ZDHHC7: variants seen among roughly 807,000 people sequenced by gnomAD.
The protein encoded by ZDHHC7 is zDHHC palmitoyltransferase 7, also known as palmitoyltransferase ZDHHC7.
ZDHHC7 carries 12 observed loss-of-function variants against 34.1 expected under a neutral mutation model. The ratio of observed to expected loss-of-function variants is 0.35; its 90% CI spans 0.23 to 0.57. The LOEUF (loss-of-function observed/expected upper bound fraction) is 0.57, where lower values mean the gene tolerates loss of function less well. Among genes scored for constraint, ZDHHC7 ranks in the 20% least tolerant of loss-of-function variants. The pLI, the probability that ZDHHC7 is intolerant of heterozygous loss-of-function variation, is 0.84. For synonymous variants in ZDHHC7, 185 were observed against 155.4 expected (o/e 1.19, Z -1.42); for missense variants, 388 against 402.7 (o/e 0.96, Z 0.31).
the ZDHHC7 span, among the ~76,000 whole-genome samples, chr16:85,018,446 G>A: frequency 7.3e-6 from 1 of 136,204 alleles, no homozygotes; most frequent in Non-Finnish European, 1.5e-5. Context: ...ACACTTATTT[G>A]TATTCTTTTT....
intron 1 of ZDHHC7, among the ~76,000 whole-genome samples, chr16:85,000,683 A>T (rs2072641604): frequency 6.6e-6 from 1 of 152,192 alleles, no homozygotes. Flanking sequence ...TACAAAACAA[A>T]CTCAACCCCT....
At chr16:84,986,747 A>T (rs929131213) in intron 3 of ZDHHC7, among the ~76,000 whole-genome samples, 35 of 152,192 alleles carry the variant, frequency 2.3e-4, no homozygotes, top group Admixed American at 2.3e-3. Flanking sequence ...GTCCAGGGCA[A>T]TCCCAGCGAG....
chr16:85,025,647 A>T, the ZDHHC7 span, among the ~76,000 whole-genome samples: 1 of 152,042 alleles, frequency 6.6e-6, no homozygotes, highest in African/African-American at 2.4e-5. Context: ...TGACCTCATG[A>T]TCCGCCCGCC....
intron 2 of ZDHHC7, among the ~76,000 whole-genome samples, chr16:84,993,645 C>CA (rs1054387750): frequency 9.2e-5 from 14 of 151,570 alleles, no homozygotes; most frequent in African/African-American, 2.9e-4. Context: ...GACCCAATGT[C>CA]AAAAAAATTG....
intron 3 of ZDHHC7, among the ~76,000 whole-genome samples, chr16:84,982,991 G>A (rs774352408): frequency 2.1e-4 from 32 of 152,334 alleles, no homozygotes; most frequent in Non-Finnish European, 2.1e-4. Flanking sequence ...TTGGGCAGTG[G>A]AGATAAGTCA....
intron 5 of ZDHHC7, among the ~76,000 whole-genome samples, chr16:84,978,562 C>A (rs1032511256): frequency 2.0e-5 from 3 of 151,578 alleles, no homozygotes; most frequent in Non-Finnish European, 4.4e-5. Flanking sequence ...AGCAAAACCC[C>A]GTCTATAAAA....
chr16:84,977,981 G>A lies in ZDHHC7; in HGVS notation c.562C>T (p.His188Tyr). The A allele has an allele frequency of 6.2e-7, 1 of 1,613,932 alleles. No homozygotes were observed. Among genetic ancestry groups the A allele is most frequent in the Non-Finnish European group, 8.5e-7 (1 of 1,179,848 alleles). Residue 188 changes from histidine to tyrosine, a missense_variant, in exon 6 of 8, where the codon CAT becomes TAT. Coordinates refer to ENST00000313732, the MANE Select transcript of ZDHHC7 (RefSeq NM_017740.3). ...FTMYIALSSVHALILCGFQFI... is the reference protein window; with the variant it reads ...FTMYIALSSVYALILCGFQFI... Reference sequence around the variant, plus strand: ...TGAAATCCACAAAGGATCAGAGCATGGACTGAAGACAGAGCTATATACATC... The same window carrying A: ...TGAAATCCACAAAGGATCAGAGCATAGACTGAAGACAGAGCTATATACATC...
chr16:84,989,421 C>A (rs542396469), intron 3 of ZDHHC7, among the ~76,000 whole-genome samples: 1 of 152,294 alleles, frequency 6.6e-6, no homozygotes, highest in African/African-American at 2.4e-5. Context: ...CCTGGTCAGG[C>A]GCGATGGCTC....
At chr16:84,985,282 T>C (rs1330027300) in intron 3 of ZDHHC7, among the ~76,000 whole-genome samples, 1 of 152,262 alleles carries the variant, frequency 6.6e-6, no homozygotes, top group Non-Finnish European at 1.5e-5. Context: ...CAAGGCGCTC[T>C]GTGCCACCTC....
intron 1 of ZDHHC7, among the ~76,000 whole-genome samples, chr16:85,009,586 A>G (rs983193587): frequency 4.1e-4 from 63 of 152,310 alleles, no homozygotes; most frequent in African/African-American, 1.4e-3. Context: ...TCAGAAGCCA[A>G]TGTGGGCCCC....
At chr16:84,991,816 C>G (rs1002145124) in intron 2 of ZDHHC7, among the ~76,000 whole-genome samples, 1 of 151,954 alleles carries the variant, frequency 6.6e-6, no homozygotes, top group African/African-American at 2.4e-5. Context: ...ATTTATTAAT[C>G]CATTCTTTTG....
intron 4 of ZDHHC7, among the ~76,000 whole-genome samples, chr16:84,980,672 C>G (rs560566710): frequency 2.6e-5 from 4 of 152,206 alleles, no homozygotes; most frequent in East Asian, 1.9e-4. Flanking sequence ...TCCATCCCCC[C>G]ATCCCCAAAA....
At chr16:84,984,531 T>C (rs2072412152) in intron 3 of ZDHHC7, among the ~76,000 whole-genome samples, 1 of 152,180 alleles carries the variant, frequency 6.6e-6, no homozygotes, top group Non-Finnish European at 1.5e-5. Context: ...TATGATACGA[T>C]GTGGCACGAT....
intron 2 of ZDHHC7, among the ~76,000 whole-genome samples, chr16:84,992,111 G>A (rs1336777927): frequency 6.6e-6 from 1 of 150,980 alleles, no homozygotes; most frequent in Non-Finnish European, 1.5e-5. Flanking sequence ...GGGAGGCGGA[G>A]GTTGCAGTGA....
rs2072412713 is a variant in ZDHHC7 at position 84,984,569 on chromosome 16, G to A, written c.316-2575C>T. Among the ~76,000 whole-genome samples the A allele has an allele frequency of 2.6e-5, 4 of 152,104 alleles. No homozygotes were observed. The South Asian group carries it at 6.2e-4, about 24-fold the overall frequency. ...ACTTCTGGAAAGCGGCTACCCCAAC[G>A]CTACCCCAGTTTTTGGTCACTTATG... is the stretch of plus-strand genomic sequence containing the variant. On this transcript the variant is annotated intron_variant, in intron 3 of 7. Coordinates refer to ENST00000313732, the MANE Select transcript of ZDHHC7 (RefSeq NM_017740.3).
At chr16:85,015,706 G>T (rs73264327), upstream of ZDHHC7, among the ~76,000 whole-genome samples, 2 of 151,932 alleles carry the variant, frequency 1.3e-5, no homozygotes, top group Non-Finnish European at 2.9e-5. Flanking sequence ...TTGGCTGGGC[G>T]TGGTGGCGTA....
At chr16:84,992,402 G>A (rs1019777919) in intron 2 of ZDHHC7, among the ~76,000 whole-genome samples, 13 of 152,028 alleles carry the variant, frequency 8.6e-5, no homozygotes, top group African/African-American at 3.1e-4. Context: ...GAACCCGGGG[G>A]GTGGAGGTTG....
At chr16:84,990,193 C>T (rs2072489663) in intron 3 of ZDHHC7, 111 bp downstream of exon 3, 3 of 1,287,008 alleles carry the variant, frequency 2.3e-6, no homozygotes, top group Non-Finnish European at 3.2e-6. Context: ...TTTCTTGTTC[C>T]ACACCCATGT....
In ZDHHC7 at chr16:84,977,914, G is replaced by A. The variant is rs777146751; in HGVS notation, c.619+10C>T. The A allele has an allele frequency of 1.2e-6, 2 of 1,610,078 alleles. No individual in the cohort carries two copies. Among genetic ancestry groups the A allele is most frequent in the Non-Finnish European group, 1.7e-6 (2 of 1,177,030 alleles). ...CAAAGCCAGGAATGACACATAGCCAGGGAACTTACCAGTCCACTGCCCTCG... is the reference window on the plus strand; with the variant it reads ...CAAAGCCAGGAATGACACATAGCCAAGGAACTTACCAGTCCACTGCCCTCG... On this transcript the variant is annotated intron_variant, in intron 6 of 7. Coordinates refer to ENST00000313732, the MANE Select transcript of ZDHHC7 (RefSeq NM_017740.3).
Sources: gnomAD v4.1 joint callset for allele counts (sites outside exome capture counted in the v4.1 genomes callset) on GRCh38, gnomAD v4.1.1 for gene constraint, MANE v1.5 for transcripts, NCBI Gene and HGNC (gene_info 2026-07-23, HGNC 2026-07-21) for gene names.